The following GLCE variants were observed in gnomAD, a reference collection of about 807,000 sequenced individuals.
GLCE encodes D-glucuronyl C5-epimerase.
Under a neutral mutation model 47.9 loss-of-function variants are expected in GLCE, and 19 were observed. The observed-to-expected ratio is 0.40, with a 90% CI of 0.28 to 0.58. The LOEUF is 0.58. Ranked by LOEUF, GLCE falls within the 20% of genes least tolerant of loss-of-function variation. GLCE has a pLI of 0.48. For synonymous variants in GLCE, 245 were observed against 263.4 expected (o/e 0.93, Z 0.68); for missense variants, 556 against 743.3 (o/e 0.75, Z 2.93).
Position 69,269,314 on chromosome 15 carries a change from A to G in GLCE, c.*70A>G. On this transcript the variant is annotated 3_prime_UTR_variant, in exon 5 of 5. Transcript: ENST00000261858. ...ACTACAGGCTCTGTCTCAGGAGAGC[A>G]TAGGCACATTTTAAAAGGTTATGTA... The G allele has an allele frequency of 8.1e-7, 1 of 1,228,792 alleles. No homozygotes were observed. Among genetic ancestry groups the G allele is most frequent in the Non-Finnish European group, 1.2e-6 (1 of 860,222 alleles). 76.1% of individuals were successfully genotyped at this position (1,228,792 alleles called of 1,614,324 possible). A position where few individuals can be genotyped will look rare whatever the true frequency, so the allele number is the denominator to read the frequency against.
chr15:69,264,176 C>A (rs370661180), intron 4 of GLCE, among the ~76,000 whole-genome samples: 1 of 150,848 alleles, frequency 6.6e-6, no homozygotes, highest in Admixed American at 6.6e-5. Flanking sequence ...CCCACCCCCC[C>A]AGCCCGACAA....
At chr15:69,194,805 T>TA (rs2051962031) in intron 1 of GLCE, among the ~76,000 whole-genome samples, 1 of 152,100 alleles carries the variant, frequency 6.6e-6, no homozygotes, top group Non-Finnish European at 1.5e-5. Flanking sequence ...TTTTCTTTTT[T>TA]AAAAAATAAG....
At position 69,163,475 on chromosome 15, in the gene GLCE, A is replaced by G. The variant is rs369589568; in HGVS notation, c.-105+2718A>G. ...TTAGTAACCCCTGAATGATGATACG[A>G]TTGATGTGTGTTGTGATAATAAGAA... On this transcript the variant is annotated intron_variant, in intron 1 of 4. Coordinates refer to ENST00000261858, the MANE Select transcript of GLCE (RefSeq NM_015554.3). 1.3e-3 allele frequency among the ~76,000 whole-genome samples: 196 copies of G among 152,338 alleles called. 6 individuals are homozygous for G. The South Asian group carries it at 0.04, about 31-fold the overall frequency.
intron 4 of GLCE, among the ~76,000 whole-genome samples, chr15:69,267,051 G>C (rs922916676): frequency 1.4e-5 from 2 of 146,698 alleles, no homozygotes; most frequent in African/African-American, 5.1e-5. Context: ...TATTTTTGTT[G>C]TTCTTATTCT....
rs150239277 is a variant in GLCE at position 69,220,679 on chromosome 15, T to G, written c.-14+10273T>G. 3.7e-3 allele frequency among the ~76,000 whole-genome samples: 567 copies of G among 152,322 alleles called. 4 individuals carry two copies. The highest frequency in any genetic ancestry group is 0.012 in the African/African-American group (485 of 41,578). Reference sequence around the variant, plus strand: ...AAAGTTATCTATATATTCTGGATATTAATCCCTTATCAGATACATAATTTG... The same window carrying G: ...AAAGTTATCTATATATTCTGGATATGAATCCCTTATCAGATACATAATTTG... On this transcript the variant is annotated intron_variant, in intron 2 of 4. Coordinates refer to ENST00000261858, the MANE Select transcript of GLCE (RefSeq NM_015554.3).
At chr15:69,203,090 A>G (rs1368326701) in intron 1 of GLCE, among the ~76,000 whole-genome samples, 1 of 152,160 alleles carries the variant, frequency 6.6e-6, no homozygotes, top group Non-Finnish European at 1.5e-5. Context: ...AATCTTTAAA[A>G]TGTTACTAGG....
intron 1 of GLCE, among the ~76,000 whole-genome samples, chr15:69,174,842 C>A (rs1049540301): frequency 4.6e-4 from 70 of 152,032 alleles, no homozygotes; most frequent in African/African-American, 1.6e-3. Flanking sequence ...AGGACTTAAC[C>A]CTGATCCATT....
Position 69,261,338 on chromosome 15 carries a change from T to G in GLCE, c.829+9T>G, listed in dbSNP as rs771997684. 1.9e-6 allele frequency: 3 copies of G among 1,608,904 alleles called. No homozygotes were observed. Among genetic ancestry groups the G allele is most frequent in the Non-Finnish European group, 2.5e-6 (3 of 1,176,482 alleles). On this transcript the variant is annotated intron_variant, in intron 4 of 4. Transcript: ENST00000261858. ...ACAGTTTATTGCACCAGGTAAGTTATGTATTATATGTGCCTGCTAATTTTA... is the reference window on the plus strand; with the variant it reads ...ACAGTTTATTGCACCAGGTAAGTTAGGTATTATATGTGCCTGCTAATTTTA...
chr15:69,169,523 T>C (rs1051922188), intron 1 of GLCE, among the ~76,000 whole-genome samples: 16 of 151,742 alleles, frequency 1.1e-4, no homozygotes, highest in Non-Finnish European at 2.4e-4. Flanking sequence ...TTACATTAGG[T>C]ATATCTCCTA....
intron 2 of GLCE, among the ~76,000 whole-genome samples, chr15:69,247,880 T>A (rs1360183746): frequency 1.3e-5 from 2 of 152,278 alleles, no homozygotes; most frequent in East Asian, 3.9e-4. Flanking sequence ...CAGTTAATAG[T>A]ACCCCAAAAC....
intron 2 of GLCE, among the ~76,000 whole-genome samples, chr15:69,235,764 A>G (rs948073333): frequency 1.3e-5 from 2 of 152,320 alleles, no homozygotes; most frequent in East Asian, 1.9e-4. Flanking sequence ...AAACAAAACT[A>G]TAGAAACCCA....
chr15:69,219,178 TTAATA>T (rs2052347532), intron 2 of GLCE, among the ~76,000 whole-genome samples: 1 of 152,076 alleles, frequency 6.6e-6, no homozygotes, highest in Non-Finnish European at 1.5e-5. Flanking sequence ...TATTGTATAC[TTAATA>T]TAAATTTATC....
chr15:69,197,316 T>A, intron 1 of GLCE: 2 of 274,656 alleles, frequency 7.3e-6, no homozygotes, highest in South Asian at 8.3e-5. Flanking sequence ...ACAACCAGAA[T>A]GCAGAAAAAG....
chr15:69,185,848 A>G (rs1225915334), intron 1 of GLCE, among the ~76,000 whole-genome samples: 1 of 152,110 alleles, frequency 6.6e-6, no homozygotes, highest in Non-Finnish European at 1.5e-5. Flanking sequence ...GGGCCACCCC[A>G]TCCTTCAGAC....
At chr15:69,168,017 T>G (rs2140325745) in intron 1 of GLCE, among the ~76,000 whole-genome samples, 1 of 152,238 alleles carries the variant, frequency 6.6e-6, no homozygotes. Flanking sequence ...TCACCTTGTT[T>G]AAAATGACAA....
intron 2 of GLCE, among the ~76,000 whole-genome samples, chr15:69,247,036 T>C (rs1222768830): frequency 6.6e-6 from 1 of 152,198 alleles, no homozygotes; most frequent in African/African-American, 2.4e-5. Context: ...GGCTCTAGTA[T>C]TTTCAGAATT....
chr15:69,263,779 C>T (rs1024489659), intron 4 of GLCE, among the ~76,000 whole-genome samples: 1 of 152,048 alleles, frequency 6.6e-6, no homozygotes, highest in Non-Finnish European at 1.5e-5. Context: ...TGAGTAGGGC[C>T]TCTTCTCATG....
chr15:69,261,307 T>C lies in GLCE; in HGVS notation c.807T>C (p.Asn269=). ...TGGCTGATAAGTCTAGATTCACCAA[T>C]GTCAAACAGTTTATTGCACCAGGTA... ...ANVADKSRFT[N]VKQFIAPETS... is the part of the protein sequence containing the mutation. The change falls in exon 4 of 5, where the codon AAT becomes AAC. Residue 269 remains asparagine (N), a synonymous_variant. Coordinates refer to ENST00000261858, the MANE Select transcript of GLCE (RefSeq NM_015554.3). 1.2e-6 allele frequency: 2 copies of C among 1,613,882 alleles called. No homozygotes were observed. Among genetic ancestry groups the C allele is most frequent in the South Asian group, 2.2e-5 (2 of 91,072 alleles).
intron 2 of GLCE, 69 bp from the exon 3 acceptor site, chr15:69,255,725 A>G: frequency 3.3e-6 from 3 of 920,508 alleles, no homozygotes; most frequent in Admixed American, 4.9e-5. Flanking sequence ...AAAAAAGCAA[A>G]GAAAACTTTA....
Sources: gnomAD v4.1 joint callset for allele counts (sites outside exome capture counted in the v4.1 genomes callset) on GRCh38, gnomAD v4.1.1 for gene constraint, MANE v1.5 for transcripts, NCBI Gene and HGNC (gene_info 2026-07-23, HGNC 2026-07-21) for gene names.